Variants in ATXN8OS observed in about 807,000 individuals in gnomAD.
ATXN8OS encodes the protein ATXN8 opposite strand (non-protein coding).
chr13:70,112,983 C>T (rs889377803), intron 1 of ATXN8OS, among the ~76,000 whole-genome samples: 3 of 134,746 alleles, frequency 2.2e-5, no homozygotes, highest in Non-Finnish European at 3.0e-5. Flanking sequence ...AGTGCAGTGG[C>T]GTGATTCCTG....
At position 70,146,221 on chromosome 13, in the gene ATXN8OS, C is replaced by T. The variant is rs1374637034; in HGVS notation, n.500-1134C>T. Among the ~76,000 whole-genome samples the T allele has an allele frequency of 1.4e-3, 210 of 149,626 alleles. 1 individual carries two copies. Among genetic ancestry groups the T allele is most frequent in the Non-Finnish European group, 2.5e-3 (168 of 67,470 alleles). The stretch of plus-strand genomic sequence containing the variant: ...AATCAAAACCACAATGAGATACCAT[C>T]TCACACCAGTTAGAATGGCGATCAT... On this transcript the variant is annotated intron_variant and non_coding_transcript_variant, in intron 3 of 4. Transcript: ENST00000678624.
At chr13:70,167,125 A>T (rs1387485156) in intron 4 of ATXN8OS, among the ~76,000 whole-genome samples, 2 of 151,990 alleles carry the variant, frequency 1.3e-5, no homozygotes, top group Non-Finnish European at 2.9e-5. Context: ...TCAGGGATCT[A>T]GAACTGGAAA....
chr13:70,126,169 G>A (rs1302363598), intron 2 of ATXN8OS, among the ~76,000 whole-genome samples: 3 of 152,092 alleles, frequency 2.0e-5, no homozygotes, highest in Non-Finnish European at 4.4e-5. Flanking sequence ...TCTGGCCATT[G>A]TAAGCTCATC....
intron 4 of ATXN8OS, among the ~76,000 whole-genome samples, chr13:70,160,034 G>A (rs544224552): frequency 1.2e-3 from 178 of 152,220 alleles, no homozygotes; most frequent in Admixed American, 2.0e-3. Flanking sequence ...TATTTATCTA[G>A]GGTGGATACC....
chr13:70,134,772 C>G (rs1036269544), intron 3 of ATXN8OS, among the ~76,000 whole-genome samples: 2 of 152,270 alleles, frequency 1.3e-5, no homozygotes, highest in East Asian at 3.9e-4. Flanking sequence ...GGGCAACTGG[C>G]TTACATGTAC....
chr13:70,162,035 G>C (rs1333547608), intron 4 of ATXN8OS, among the ~76,000 whole-genome samples: 1 of 151,788 alleles, frequency 6.6e-6, no homozygotes, highest in Non-Finnish European at 1.5e-5. Flanking sequence ...AGTAAGAGAA[G>C]GAGAAGAAAA....
intron 3 of ATXN8OS, chr13:70,139,384 C>CTGA: frequency 3.3e-6 from 1 of 304,600 alleles, no homozygotes; most frequent in East Asian, 6.1e-5. Context: ...ACTACTACTA[C>CTGA]TGCTGCTGCT....
chr13:70,160,031 C>T (rs1446813957), intron 4 of ATXN8OS, among the ~76,000 whole-genome samples: 1 of 152,068 alleles, frequency 6.6e-6, no homozygotes, highest in African/African-American at 2.4e-5. Flanking sequence ...TGTTATTTAT[C>T]TAGGGTGGAT....
intron 3 of ATXN8OS, chr13:70,139,130 C>T: frequency 2.5e-6 from 1 of 404,952 alleles, no homozygotes; most frequent in Non-Finnish European, 4.4e-6. Context: ...TTTCCTAGTT[C>T]TTGGCTCCAG....
intron 4 of ATXN8OS, among the ~76,000 whole-genome samples, chr13:70,163,997 G>T (rs1889042480): frequency 6.7e-6 from 1 of 149,674 alleles, no homozygotes; most frequent in African/African-American, 2.4e-5. Flanking sequence ...GATGTGTAGG[G>T]TGCTTGAATC....
intron 4 of ATXN8OS, among the ~76,000 whole-genome samples, chr13:70,163,554 G>T (rs966079041): frequency 6.6e-5 from 10 of 151,986 alleles, no homozygotes; most frequent in Admixed American, 5.9e-4. Flanking sequence ...AAAATTATTT[G>T]ATAGTAATTT....
At chr13:70,153,479 G>A (rs1047430439) in intron 4 of ATXN8OS, among the ~76,000 whole-genome samples, 1 of 152,130 alleles carries the variant, frequency 6.6e-6, no homozygotes, top group South Asian at 2.1e-4. Context: ...GGAGGCTGAG[G>A]CAGGAGAATC....
chr13:70,155,772 A>T (rs536919880), intron 4 of ATXN8OS, among the ~76,000 whole-genome samples: 16 of 143,358 alleles, frequency 1.1e-4, no homozygotes, highest in Non-Finnish European at 1.4e-4. Flanking sequence ...ACAATATTCC[A>T]TTTTTTTTTT....
chr13:70,134,731 T>C (rs940522554), intron 3 of ATXN8OS, among the ~76,000 whole-genome samples: 3 of 152,188 alleles, frequency 2.0e-5, no homozygotes, highest in African/African-American at 7.2e-5. Flanking sequence ...CAGTCCACCA[T>C]GGCTAGTGGC....
intron 4 of ATXN8OS, among the ~76,000 whole-genome samples, chr13:70,156,310 T>C (rs1888936365): frequency 6.6e-6 from 1 of 152,024 alleles, no homozygotes; most frequent in South Asian, 2.1e-4. Flanking sequence ...TATTATTCTG[T>C]TCTGTGTTTC....
At position 70,128,693 on chromosome 13, in the gene ATXN8OS, T is replaced by C. The variant is rs186698091; in HGVS notation, n.399-1091T>C. Among the ~76,000 whole-genome samples, 361 of 152,276 alleles carry C rather than the reference T, an allele frequency of 2.4e-3. 1 individual carries two copies. The highest frequency in any genetic ancestry group is 8.6e-3 in the Admixed American group (131 of 15,288). ...ATACTGTTTCCCATAATGCAAAATT[T>C]ACTCTTGTGTTTATTTTTTTTGTAT... On this transcript the variant is annotated intron_variant and non_coding_transcript_variant, in intron 2 of 4. Coordinates refer to ENST00000678624, the Ensembl canonical transcript of ATXN8OS.
chr13:70,159,811 C>T (rs1888982081), intron 4 of ATXN8OS, among the ~76,000 whole-genome samples: 1 of 152,178 alleles, frequency 6.6e-6, no homozygotes, highest in South Asian at 2.1e-4. Context: ...ACACTGGCTT[C>T]TTTCATCCAG....
chr13:70,153,450 C>CT (rs1888897238), intron 4 of ATXN8OS, among the ~76,000 whole-genome samples: 1 of 152,048 alleles, frequency 6.6e-6, no homozygotes, highest in Non-Finnish European at 1.5e-5. Context: ...CAGTGTGCGC[C>CT]TGTGATCCTA....
intron 4 of ATXN8OS, among the ~76,000 whole-genome samples, chr13:70,165,856 A>G (rs1889070205): frequency 6.6e-6 from 1 of 152,186 alleles, no homozygotes; most frequent in African/African-American, 2.4e-5. Flanking sequence ...CAAGTAAAAT[A>G]TTTAAACAAC....
Sources: gnomAD v4.1 joint callset for allele counts (sites outside exome capture counted in the v4.1 genomes callset) on GRCh38, gnomAD v4.1.1 for gene constraint, MANE v1.5 for transcripts, NCBI Gene and HGNC (gene_info 2026-07-23, HGNC 2026-07-21) for gene names.